The following DGKB variants were observed in gnomAD, a reference collection of about 807,000 sequenced individuals.
DGKB encodes 90 kDa diacylglycerol kinase.
Under a neutral mutation model 114.3 loss-of-function variants are expected in DGKB, and 67 were observed. The ratio of observed to expected loss-of-function variants is 0.59; its 90% CI spans 0.48 to 0.72. DGKB has a LOEUF of 0.72. Ranked by LOEUF, DGKB falls within the 30% of genes least tolerant of loss-of-function variation. The pLI, the probability that DGKB is intolerant of heterozygous loss-of-function variation, is 0.00. For missense variants in DGKB, 907 were observed against 975.2 expected, an observed-to-expected ratio of 0.93 and a Z score of 0.93; for synonymous variants, 398 against 323.1, an observed-to-expected ratio of 1.23 and a Z score of -2.49.
At chr7:14,637,578 A>G (rs1810986135) in intron 13 of DGKB, among the ~76,000 whole-genome samples, 1 of 151,438 alleles carries the variant, frequency 6.6e-6, no homozygotes, top group Admixed American at 6.6e-5. Context: ...ACTTGTGATT[A>G]CAACATTCAA....
intron 6 of DGKB, among the ~76,000 whole-genome samples, chr7:14,718,144 A>G (rs1828530228): frequency 6.6e-6 from 1 of 152,168 alleles, no homozygotes; most frequent in Non-Finnish European, 1.5e-5. Flanking sequence ...CCACTGGGGA[A>G]AAGGTGCAGG....
chr7:14,775,296 C>T (rs555047212), intron 2 of DGKB, among the ~76,000 whole-genome samples: 7 of 151,888 alleles, frequency 4.6e-5, no homozygotes, highest in African/African-American at 1.7e-4. Context: ...ATTTTTCAAG[C>T]AGCCTCTTAT....
At position 14,902,105 on chromosome 7, in the gene DGKB, G is replaced by A. The variant is rs143829448; in HGVS notation, c.-188+487C>T. ...GCAGTTATCTAGAGACCTACTTCACGTTTTATTTTAATTTAATAAGGTAAA... is the reference window on the plus strand; with the variant it reads ...GCAGTTATCTAGAGACCTACTTCACATTTTATTTTAATTTAATAAGGTAAA... On this transcript the variant is annotated intron_variant, in intron 1 of 25. Transcript: ENST00000402815. 1.1e-3 allele frequency among the ~76,000 whole-genome samples: 175 copies of A among 152,216 alleles called. 1 individual carries two copies. The highest frequency in any genetic ancestry group is 4.1e-3 in the African/African-American group (171 of 41,548).
intron 23 of DGKB, among the ~76,000 whole-genome samples, chr7:14,328,229 G>T (rs1809097537): frequency 6.6e-6 from 1 of 152,018 alleles, no homozygotes; most frequent in South Asian, 2.1e-4. Flanking sequence ...AAGTCAGTGT[G>T]CTAAGGGCTT....
intron 5 of DGKB, among the ~76,000 whole-genome samples, chr7:14,734,094 A>T (rs147414670): frequency 0.02 from 3,090 of 151,574 alleles, 57 homozygotes; most frequent in Non-Finnish European, 0.031. Context: ...GAGTGCAGTG[A>T]TGCGATCTCG....
chr7:14,752,326 G>C (rs532390510), intron 4 of DGKB, among the ~76,000 whole-genome samples: 1 of 126,322 alleles, frequency 7.9e-6, no homozygotes, highest in Non-Finnish European at 1.5e-5. Context: ...GAATCCCCAG[G>C]TTCCTTATTA....
intron 20 of DGKB, among the ~76,000 whole-genome samples, chr7:14,528,962 T>C (rs757273854): frequency 1.3e-5 from 2 of 152,020 alleles, no homozygotes; most frequent in Non-Finnish European, 2.9e-5. Context: ...TTTGGTCTAC[T>C]GCACTGGGAT....
Position 14,484,487 on chromosome 7 carries a change from A to C in DGKB, c.1771-6262T>G, listed in dbSNP as rs183496934. Among the ~76,000 whole-genome samples the C allele has an allele frequency of 6.6e-5, 10 of 152,214 alleles. No individual in the cohort carries two copies. In the East Asian group the frequency reaches 1.7e-3, roughly 26 times the overall value. On this transcript the variant is annotated intron_variant, in intron 20 of 25. Transcript: ENST00000402815. Reference sequence around the variant, plus strand: ...GAGTTCTCATGAGATCTGGCTTCCTAAAGTGTGTGGCATCTCCCCCCACCT... The same window carrying C: ...GAGTTCTCATGAGATCTGGCTTCCTCAAGTGTGTGGCATCTCCCCCCACCT...
Position 14,583,137 on chromosome 7 carries a change from C to T in DGKB, c.1434G>A (p.Gly478=). 6.2e-7 allele frequency: 1 copy of T among 1,604,430 alleles called. No individual in the cohort carries two copies. The highest frequency in any genetic ancestry group is 8.5e-7 in the Non-Finnish European group (1 of 1,173,376). Residue 478 remains glycine (G), a splice_region_variant and synonymous_variant, in exon 18 of 26, where the codon GGG becomes GGA. Coordinates refer to ENST00000402815, the MANE Select transcript of DGKB (RefSeq NM_001350709.2). The part of the protein sequence containing the change: ...YSLSGNGPMP[G]LNFFRDVPDF... ...CAGGAACATCACGGAAAAAGTTTAA[C>T]CTGAAAAATAAGCATGTTATGGCAC...
chr7:14,948,673 T>C (rs1266636730), intron 1 of DGKB, among the ~76,000 whole-genome samples: 1 of 151,828 alleles, frequency 6.6e-6, no homozygotes, highest in African/African-American at 2.4e-5. Flanking sequence ...GAAGTAGATA[T>C]TTCCAATCTA....
At chr7:14,581,487 C>T (rs1799923190) in intron 18 of DGKB, among the ~76,000 whole-genome samples, 1 of 152,118 alleles carries the variant, frequency 6.6e-6, no homozygotes, top group Non-Finnish European at 1.5e-5. Flanking sequence ...AAATGGAACA[C>T]AACGTTAACA....
chr7:14,788,625 A>G (rs1287524013), intron 2 of DGKB, among the ~76,000 whole-genome samples: 1 of 152,142 alleles, frequency 6.6e-6, no homozygotes, highest in Non-Finnish European at 1.5e-5. Context: ...GAACCTGCAG[A>G]AATTATTTAA....
intron 5 of DGKB, among the ~76,000 whole-genome samples, chr7:14,731,567 G>C (rs1830930214): frequency 6.6e-6 from 1 of 152,170 alleles, no homozygotes; most frequent in Non-Finnish European, 1.5e-5. Context: ...GGAATTTATA[G>C]TGACAGATAT....
chr7:14,730,138 T>G (rs556035580), intron 5 of DGKB, among the ~76,000 whole-genome samples: 9 of 152,322 alleles, frequency 5.9e-5, no homozygotes, highest in African/African-American at 2.2e-4. Context: ...ATATACTATA[T>G]TACGTCCTAT....
chr7:14,338,424 A>G (rs1583276331), intron 23 of DGKB, 91 bp downstream of exon 23: 1 of 697,612 alleles, frequency 1.4e-6, no homozygotes, highest in Admixed American at 2.9e-5. Context: ...TATATAAATT[A>G]TTATAGTGCA....
intron 20 of DGKB, among the ~76,000 whole-genome samples, chr7:14,553,941 C>T (rs1352587849): frequency 8.0e-6 from 1 of 125,338 alleles, no homozygotes; most frequent in African/African-American, 3.0e-5. Context: ...GGCGGGATCT[C>T]GGCTCACTGC....
chr7:14,295,050 C>T (rs974826972), intron 23 of DGKB, among the ~76,000 whole-genome samples: 1 of 152,124 alleles, frequency 6.6e-6, no homozygotes, highest in Non-Finnish European at 1.5e-5. Flanking sequence ...TTGTATTTTT[C>T]CTTCCCCTAG....
At chr7:14,387,896 T>C (rs35005116) in intron 21 of DGKB, among the ~76,000 whole-genome samples, 30,166 of 147,768 alleles carry the variant, frequency 0.2, 2,865 homozygotes, top group African/African-American at 0.3. Context: ...TTTTTTTTTT[T>C]TTTGACACAG....
chr7:14,239,325 T>C (rs10244768), intron 23 of DGKB, among the ~76,000 whole-genome samples: 88,845 of 151,794 alleles, frequency 0.59, 26,799 homozygotes, highest in African/African-American at 0.71. Flanking sequence ...TAAAATGTAT[T>C]CAGCAAAGTT....
Sources: gnomAD v4.1 joint callset for allele counts (sites outside exome capture counted in the v4.1 genomes callset) on GRCh38, gnomAD v4.1.1 for gene constraint, MANE v1.5 for transcripts, NCBI Gene and HGNC (gene_info 2026-07-23, HGNC 2026-07-21) for gene names.